The following GDAP1 variants were observed in gnomAD, a reference collection of about 807,000 sequenced individuals.
GDAP1 encodes ganglioside-induced differentiation-associated protein 1.
In GDAP1, 34 loss-of-function variants were observed where a neutral mutation model predicts 40.1. That is an observed-to-expected ratio of 0.85 (90% CI 0.64 to 1.13). The LOEUF (loss-of-function observed/expected upper bound fraction) is 1.13, where lower values mean the gene tolerates loss of function less well. Ranked by LOEUF, GDAP1 falls within the 50% of genes most tolerant of loss-of-function variation. The pLI is 0.00. For missense variants in GDAP1, 374 were observed against 433.7 expected, an observed-to-expected ratio of 0.86 and a Z score of 1.22; for synonymous variants, 170 against 157.4, an observed-to-expected ratio of 1.08 and a Z score of -0.60.
At chr8:74,398,648 C>T (rs540158002) in intron 2 of GDAP1, among the ~76,000 whole-genome samples, 5 of 152,218 alleles carry the variant, frequency 3.3e-5, no homozygotes, top group African/African-American at 1.2e-4. Context: ...GGAGTGCTTC[C>T]AGTTTTTGCC....
intron 2 of GDAP1, among the ~76,000 whole-genome samples, chr8:74,425,849 C>A (rs1048907545): frequency 1.3e-5 from 2 of 152,176 alleles, no homozygotes; most frequent in South Asian, 2.1e-4. Context: ...GTATATATAT[C>A]CTCCTTTTAT....
intron 2 of GDAP1, among the ~76,000 whole-genome samples, chr8:74,410,670 G>T (rs1248393941): frequency 1.3e-5 from 2 of 150,048 alleles, no homozygotes; most frequent in Non-Finnish European, 2.9e-5. Context: ...AAAAGTAAGA[G>T]CAGGAGATGT....
At chr8:74,377,514 A>G (rs1414412533) in intron 2 of GDAP1, among the ~76,000 whole-genome samples, 1 of 152,240 alleles carries the variant, frequency 6.6e-6, no homozygotes, top group East Asian at 1.9e-4. Context: ...CAATCATTAT[A>G]CTAACATAGA....
At chr8:74,436,473 A>C (rs1246369081) in intron 2 of GDAP1, among the ~76,000 whole-genome samples, 1 of 144,158 alleles carries the variant, frequency 6.9e-6, no homozygotes, top group African/African-American at 2.6e-5. Context: ...CCCAAGCTAG[A>C]GTGCAGTGGT....
At chr8:74,480,209 C>T (rs574505805) in intron 2 of GDAP1, among the ~76,000 whole-genome samples, 18 of 152,008 alleles carry the variant, frequency 1.2e-4, no homozygotes, top group East Asian at 5.8e-4. Context: ...AGGATGGTCT[C>T]GATCTCCTGA....
At chr8:74,393,270 A>G (rs889931246) in intron 2 of GDAP1, among the ~76,000 whole-genome samples, 3 of 152,228 alleles carry the variant, frequency 2.0e-5, no homozygotes, top group Non-Finnish European at 4.4e-5. Context: ...TCTGATATGG[A>G]CAAAAAAATG....
rs116252367 is a variant in GDAP1, at chr8:74,389,991, C to T, written c.165+38670C>T. 5.7e-3 allele frequency among the ~76,000 whole-genome samples: 860 copies of T among 152,180 alleles called. 9 individuals are homozygous for T. Among genetic ancestry groups the T allele is most frequent in the African/African-American group, 0.019 (794 of 41,552 alleles). On this transcript the variant is annotated intron_variant, in intron 2 of 2. Coordinates refer to the GDAP1 transcript ENST00000523640. ...CTTCCGCTAGATCAATACTTGCGTA[C>T]GCTTCACGAAGTTCTCCTGCTGTGT...
intron 2 of GDAP1, among the ~76,000 whole-genome samples, chr8:74,352,817 C>T (rs879452188): frequency 6.6e-6 from 1 of 151,926 alleles, no homozygotes; most frequent in Non-Finnish European, 1.5e-5. Context: ...ATTTGTATTT[C>T]TTGGGGGATG....
intron 2 of GDAP1, among the ~76,000 whole-genome samples, chr8:74,450,262 T>C (rs1377750724): frequency 6.6e-6 from 1 of 151,904 alleles, no homozygotes; most frequent in African/African-American, 2.4e-5. Flanking sequence ...ACCTAAGATA[T>C]AGTCCATCTT....
Position 74,403,849 on chromosome 8 carries a change from C to G in GDAP1, c.165+52528C>G, listed in dbSNP as rs538389074. On this transcript the variant is annotated intron_variant, in intron 2 of 2. Coordinates refer to the GDAP1 transcript ENST00000523640. Reference sequence around the variant, plus strand: ...AACTGAGATTTAAAAACTCAATACTCAAACTAAGTTGGTGTTATGTATAAA... The same window carrying G: ...AACTGAGATTTAAAAACTCAATACTGAAACTAAGTTGGTGTTATGTATAAA... Among the ~76,000 whole-genome samples, 6 of 150,250 alleles carry G rather than the reference C, an allele frequency of 4.0e-5. No homozygotes were observed. In the South Asian group the frequency reaches 1.2e-3, roughly 31 times the overall value.
At chr8:74,484,252 C>T (rs746625406) in intron 2 of GDAP1, among the ~76,000 whole-genome samples, 19 of 152,240 alleles carry the variant, frequency 1.2e-4, no homozygotes, top group Non-Finnish European at 2.4e-4. Flanking sequence ...TCCTTCTATA[C>T]GTCATACATT....
intron 2 of GDAP1, among the ~76,000 whole-genome samples, chr8:74,460,299 A>C (rs960137049): frequency 1.3e-5 from 2 of 152,228 alleles, no homozygotes; most frequent in Non-Finnish European, 2.9e-5. Flanking sequence ...TATTTTGACT[A>C]AGCATCAATG....
At chr8:74,438,436 C>T (rs1315411213) in intron 2 of GDAP1, among the ~76,000 whole-genome samples, 1 of 152,062 alleles carries the variant, frequency 6.6e-6, no homozygotes, top group African/African-American at 2.4e-5. Flanking sequence ...AAATGTTTGC[C>T]AATCTAATCT....
At chr8:74,437,951 AATTTC>A (rs1290862428) in intron 2 of GDAP1, among the ~76,000 whole-genome samples, 1 of 152,084 alleles carries the variant, frequency 6.6e-6, no homozygotes, top group East Asian at 1.9e-4. Context: ...CATGTATGAG[AATTTC>A]ACTGTGGTAT....
chr8:74,396,835 T>C (rs1369962706), intron 2 of GDAP1, among the ~76,000 whole-genome samples: 8 of 152,232 alleles, frequency 5.3e-5, no homozygotes, highest in Non-Finnish European at 1.0e-4. Flanking sequence ...TGTGTCTTTA[T>C]AGCAGCATGA....
At position 74,452,596 on chromosome 8, in the gene GDAP1, T is replaced by A. The variant is rs1806302895; in HGVS notation, c.166-36082T>A. Among the ~76,000 whole-genome samples, 2 of 84,342 alleles carry A rather than the reference T, an allele frequency of 2.4e-5. 1 individual carries two copies. The highest frequency in any genetic ancestry group is 1.0e-4 in the African/African-American group (2 of 19,524). The allele number at this position is 84,342 out of a possible 152,430, so 55.3% of individuals were successfully genotyped here. On this transcript the variant is annotated intron_variant, in intron 2 of 2. Coordinates refer to the GDAP1 transcript ENST00000523640. ...TGAATATACATATTTTTTTCACATATGCTTTTTAGCTCTAGAATTTCAATT... is the reference window on the plus strand; with the variant it reads ...TGAATATACATATTTTTTTCACATAAGCTTTTTAGCTCTAGAATTTCAATT...
At chr8:74,458,260 A>AAT (rs775015621) in intron 2 of GDAP1, among the ~76,000 whole-genome samples, 1 of 151,766 alleles carries the variant, frequency 6.6e-6, no homozygotes, top group Non-Finnish European at 1.5e-5. Flanking sequence ...ATTAAATATT[A>AAT]ATATATATAA....
chr8:74,419,479 C>A (rs776417021), intron 2 of GDAP1, among the ~76,000 whole-genome samples: 24 of 152,084 alleles, frequency 1.6e-4, no homozygotes, highest in Non-Finnish European at 2.5e-4. Flanking sequence ...CAATGGAGAA[C>A]ATATTCGGGT....
chr8:74,361,857 C>G, intron 3 of GDAP1, 27 bp from the exon 4 acceptor site: 1 of 1,281,226 alleles, frequency 7.8e-7, no homozygotes, highest in Non-Finnish European at 1.1e-6. Context: ...AAATAATTTT[C>G]TGTTTCCAAA....
Sources: allele counts gnomAD v4.1 joint callset (sites outside exome capture counted in the v4.1 genomes callset), GRCh38; gene constraint gnomAD v4.1.1; transcripts MANE v1.5; gene names NCBI Gene and HGNC (gene_info 2026-07-23, HGNC 2026-07-21).